Variants in IL19 observed in about 807,000 individuals in gnomAD.
IL19 encodes interleukin 19.
In IL19, 15 loss-of-function variants were observed where a neutral mutation model predicts 19.5. The observed-to-expected ratio is 0.77, with a 90% CI of 0.52 to 1.19. The LOEUF is 1.19. Ranked by LOEUF, IL19 falls within the 50% of genes most tolerant of loss-of-function variation. The pLI is 0.00. For synonymous variants in IL19, 78 were observed against 78.3 expected (o/e 1.00, Z 0.02); for missense variants, 199 against 213.1 (o/e 0.93, Z 0.41).
rs544325134 is a variant in IL19, at chr1:206,805,600, T to C, written c.-3+6594T>C. ...CAAATGGACACTGCAGAAAACTGAA[T>C]TAATGAGTAAAAGGCAAACTGAAGA... On this transcript the variant is annotated intron_variant, in intron 2 of 6. Coordinates refer to ENST00000659997, the MANE Select transcript of IL19 (RefSeq NM_153758.5). Among the ~76,000 whole-genome samples, 3 of 152,248 alleles carry C rather than the reference T, an allele frequency of 2.0e-5. No homozygotes were observed. The East Asian group carries it at 5.8e-4, about 29-fold the overall frequency.
intron 2 of IL19, among the ~76,000 whole-genome samples, chr1:206,811,443 CAAAAAA>C (rs61026012): frequency 1.0e-5 from 1 of 99,714 alleles, no homozygotes; most frequent in Admixed American, 1.1e-4. Flanking sequence ...GACTCCGTCT[CAAAAAA>C]AAAAAAAAAA....
At chr1:206,804,024 G>A (rs185829970) in intron 2 of IL19, among the ~76,000 whole-genome samples, 19 of 152,230 alleles carry the variant, frequency 1.2e-4, no homozygotes, top group Middle Eastern at 3.4e-3. Flanking sequence ...TTCTCTCTTC[G>A]CCCTGTCTCT....
intron 2 of IL19, among the ~76,000 whole-genome samples, chr1:206,822,825 C>T (rs887927297): frequency 6.6e-6 from 1 of 152,144 alleles, no homozygotes; most frequent in African/African-American, 2.4e-5. Context: ...TTGTAGGGTC[C>T]CAGCTGAATG....
chr1:206,815,012 A>G (rs1167855406), intron 2 of IL19, among the ~76,000 whole-genome samples: 1 of 152,210 alleles, frequency 6.6e-6, no homozygotes, highest in African/African-American at 2.4e-5. Flanking sequence ...GGCTCAGTAC[A>G]GATAGGTCAT....
At position 206,830,577 on chromosome 1, in the gene IL19, T is replaced by TTTTA. The variant is rs386369449; in HGVS notation, c.-2-6083_-2-6082insTTAT. Reference sequence around the variant, plus strand: ...AAATACCCATCCATCATTATCAGTTTTATATATATATATATATTTGAGATG... The same window carrying TTTTA: ...AAATACCCATCCATCATTATCAGTTTTTTATATATATATATATATATTTGAGATG... On this transcript the variant is annotated intron_variant, in intron 2 of 6. Coordinates refer to ENST00000659997, the MANE Select transcript of IL19 (RefSeq NM_153758.5). 9.5e-3 allele frequency among the ~76,000 whole-genome samples: 1,419 copies of TTTTA among 150,008 alleles called. 17 individuals are homozygous for TTTTA. The highest frequency in any genetic ancestry group is 0.032 in the African/African-American group (1,305 of 40,880).
At chr1:206,820,150 G>T (rs530763424) in intron 2 of IL19, among the ~76,000 whole-genome samples, 1 of 152,064 alleles carries the variant, frequency 6.6e-6, no homozygotes, top group African/African-American at 2.4e-5. Flanking sequence ...ATGCTCACTC[G>T]CCTTCCAAGC....
At chr1:206,799,721 C>G (rs997071192) in intron 2 of IL19, among the ~76,000 whole-genome samples, 2 of 152,200 alleles carry the variant, frequency 1.3e-5, no homozygotes, top group African/African-American at 4.8e-5. Flanking sequence ...ACTTTCCAAT[C>G]AGCTATAGCC....
intron 2 of IL19, among the ~76,000 whole-genome samples, chr1:206,808,737 T>A (rs889158779): frequency 2.6e-5 from 4 of 152,100 alleles, no homozygotes; most frequent in Non-Finnish European, 5.9e-5. Flanking sequence ...CTTGTTGCTA[T>A]GTATGTGTGC....
intron 2 of IL19, among the ~76,000 whole-genome samples, chr1:206,811,412 C>A (rs1676006200): frequency 6.8e-6 from 1 of 147,304 alleles, no homozygotes; most frequent in Non-Finnish European, 1.5e-5. Flanking sequence ...CCACTGCACT[C>A]CAGCCTGGGT....
chr1:206,772,304 G>C (rs774794282), intron 1 of IL19: 2 of 1,614,094 alleles, frequency 1.2e-6, no homozygotes, highest in Non-Finnish European at 1.7e-6. Context: ...AGGCATCTCG[G>C]AGATCTCGAA....
chr1:206,773,630 G>GTA (rs1491004940), intron 1 of IL19, among the ~76,000 whole-genome samples: 3 of 143,742 alleles, frequency 2.1e-5, no homozygotes, highest in Non-Finnish European at 4.6e-5. Flanking sequence ...GTGTGTGTGT[G>GTA]TAGAAGGTAA....
At chr1:206,836,541 T>A (rs1676799870) in intron 2 of IL19, 120 bp from the exon 3 acceptor site, 1 of 912,114 alleles carries the variant, frequency 1.1e-6, no homozygotes, top group African/African-American at 1.7e-5. Context: ...GTGTTTAGTG[T>A]TGTTTTCTTG....
chr1:206,820,740 C>T (rs1330991872), intron 2 of IL19, among the ~76,000 whole-genome samples: 1 of 152,226 alleles, frequency 6.6e-6, no homozygotes, highest in African/African-American at 2.4e-5. Context: ...TGTGGACTGG[C>T]ACAATGAGGT....
At chr1:206,824,759 A>G (rs924931758) in intron 2 of IL19, among the ~76,000 whole-genome samples, 3 of 152,210 alleles carry the variant, frequency 2.0e-5, no homozygotes, top group African/African-American at 7.2e-5. Context: ...CCTGAGTCTA[A>G]AAGAAAAAAA....
At chr1:206,842,402 A>G in intron 6 of IL19, 125 bp from the exon 7 acceptor site, 1 of 612,952 alleles carries the variant, frequency 1.6e-6, no homozygotes, top group Non-Finnish European at 2.9e-6. Context: ...TTATGCAAAT[A>G]TATTTCGTGA....
At chr1:206,823,980 G>A (rs187416501) in intron 2 of IL19, among the ~76,000 whole-genome samples, 63 of 152,326 alleles carry the variant, frequency 4.1e-4, no homozygotes, top group Admixed American at 3.0e-3. Context: ...TAGCAGGATC[G>A]CCGTGTCTTC....
chr1:206,777,339 G>A (rs1398250541), intron 1 of IL19, among the ~76,000 whole-genome samples: 2 of 149,238 alleles, frequency 1.3e-5, no homozygotes, highest in African/African-American at 2.5e-5. Flanking sequence ...CCTGGGAGGC[G>A]GAGGTTGCAG....
intron 2 of IL19, among the ~76,000 whole-genome samples, chr1:206,807,988 A>G (rs564581804): frequency 2.0e-5 from 3 of 152,362 alleles, no homozygotes; most frequent in South Asian, 2.1e-4. Context: ...AAAACAGTAA[A>G]TAAACACATT....
intron 1 of IL19, among the ~76,000 whole-genome samples, chr1:206,785,953 T>C (rs1484474443): frequency 6.6e-6 from 1 of 151,670 alleles, no homozygotes; most frequent in Non-Finnish European, 1.5e-5. Context: ...TAAACATATA[T>C]CTGGTCAAAG....
Sources: gnomAD v4.1 joint callset for allele counts (sites outside exome capture counted in the v4.1 genomes callset) on GRCh38, gnomAD v4.1.1 for gene constraint, MANE v1.5 for transcripts, NCBI Gene and HGNC (gene_info 2026-07-23, HGNC 2026-07-21) for gene names.